The following GPD2 variants were observed in gnomAD, a reference collection of about 807,000 sequenced individuals.
GPD2 encodes glycerol-3-phosphate dehydrogenase, mitochondrial.
GPD2 carries 54 observed loss-of-function variants against 82.4 expected under a neutral mutation model. The observed-to-expected ratio is 0.66, with a 90% CI of 0.53 to 0.82. GPD2 has a LOEUF of 0.82. Among genes scored for constraint, GPD2 ranks in the 40% least tolerant of loss-of-function variants. The pLI, the probability that GPD2 is intolerant of heterozygous loss-of-function variation, is 0.00. For synonymous variants in GPD2, 288 were observed against 306.1 expected, an observed-to-expected ratio of 0.94 and a Z score of 0.62; for missense variants, 748 against 896.2, an observed-to-expected ratio of 0.83 and a Z score of 2.11.
intron 3 of GPD2, among the ~76,000 whole-genome samples, 169 bp downstream of exon 3, chr2:156,496,384 C>T (rs952491580): frequency 1.3e-5 from 2 of 152,080 alleles, no homozygotes; most frequent in African/African-American, 4.8e-5. Context: ...TGCTCTCCCT[C>T]CCCCTGCCCC....
In GPD2 at chr2:156,569,464, T is replaced by C; in HGVS notation, c.1402T>C (p.Phe468Leu). The C allele has an allele frequency of 6.2e-7, 1 of 1,612,830 alleles. No individual in the cohort carries two copies. The highest frequency in any genetic ancestry group is 8.5e-7 in the Non-Finnish European group (1 of 1,178,968). The change falls in exon 11 of 17, where the codon TTC (phenylalanine) becomes CTC (leucine). Residue 468 changes from phenylalanine to leucine, a missense_variant. By Grantham distance (22) the Phe-to-Leu change is conservative. Around this residue, in one of 3 missense-constraint regions of GPD2, gnomAD observed 692 missense variants for 809.7 expected, o/e 0.85. Transcript: ENST00000438166. The stretch of plus-strand genomic sequence containing the variant: ...AGGACCAAGTAGAACAGTTGGGCTT[T>C]TCCTTCAAGGGGGTAAAGATTGGAG... ...KAGPSRTVGL[F>L]LQGGKDWSPT...
chr2:156,479,430 C>T (rs946735847), intron 2 of GPD2, among the ~76,000 whole-genome samples: 1 of 152,136 alleles, frequency 6.6e-6, no homozygotes, highest in African/African-American at 2.4e-5. Flanking sequence ...TTTCTTCATA[C>T]AAGCATATTA....
chr2:156,556,266 AC>A (rs1686958725), intron 8 of GPD2, among the ~76,000 whole-genome samples: 1 of 152,180 alleles, frequency 6.6e-6, no homozygotes, highest in Non-Finnish European at 1.5e-5. Context: ...TTAAAAAATA[AC>A]ATTAATAGAA....
chr2:156,545,613 G>A (rs1445811722), intron 6 of GPD2, among the ~76,000 whole-genome samples: 1 of 152,196 alleles, frequency 6.6e-6, no homozygotes, highest in Non-Finnish European at 1.5e-5. Flanking sequence ...CAATAAGTCT[G>A]TGATAAGCAT....
the GPD2 span, among the ~76,000 whole-genome samples, chr2:156,400,778 G>A: frequency 6.6e-6 from 1 of 152,232 alleles, no homozygotes; most frequent in Non-Finnish European, 1.5e-5. Flanking sequence ...GGGGGATGTA[G>A]CTCAGTGGTA....
intron 6 of GPD2, among the ~76,000 whole-genome samples, chr2:156,529,318 A>G (rs575897800): frequency 0.011 from 1,672 of 145,456 alleles, 31 homozygotes; most frequent in African/African-American, 0.039. Flanking sequence ...GTTTGAGTTC[A>G]TTGTAGATTC....
intron 1 of GPD2, among the ~76,000 whole-genome samples, chr2:156,466,698 A>G (rs192896259): frequency 1.6e-4 from 25 of 152,340 alleles, no homozygotes; most frequent in Admixed American, 9.8e-4. Context: ...CAGTTATGAC[A>G]TTATTAAACT....
chr2:156,443,496 G>A (rs890104812), intron 1 of GPD2, among the ~76,000 whole-genome samples: 4 of 152,124 alleles, frequency 2.6e-5, no homozygotes, highest in Non-Finnish European at 5.9e-5. Flanking sequence ...CACACAGGCA[G>A]GTGTATTTCA....
intron 6 of GPD2, among the ~76,000 whole-genome samples, chr2:156,519,659 G>A (rs760389480): frequency 2.5e-4 from 38 of 152,290 alleles, no homozygotes; most frequent in Non-Finnish European, 4.6e-4. Context: ...TGTGGGATCT[G>A]CAACTGTCCT....
chr2:156,528,474 C>T (rs982691206), intron 6 of GPD2, among the ~76,000 whole-genome samples: 1 of 150,594 alleles, frequency 6.6e-6, no homozygotes. Context: ...TTTTAGGGTA[C>T]ATGTGCACAA....
chr2:156,444,368 C>A (rs1225509459), intron 1 of GPD2, among the ~76,000 whole-genome samples: 1 of 152,086 alleles, frequency 6.6e-6, no homozygotes, highest in Non-Finnish European at 1.5e-5. Flanking sequence ...TAGTATTAAC[C>A]CCTTTTCCCC....
chr2:156,471,637 TC>T (rs1042451816), intron 1 of GPD2, among the ~76,000 whole-genome samples: 2 of 152,182 alleles, frequency 1.3e-5, no homozygotes, highest in Admixed American at 6.5e-5. Context: ...CCAAATTTTT[TC>T]CCCTTCAAGA....
Position 156,557,432 on chromosome 2 carries a change from C to G in GPD2, c.1015C>G (p.Arg339Gly). The change falls in exon 9 of 17, where the codon CGA becomes GGA. Residue 339 changes from arginine (R) to glycine (G), a missense_variant. Physicochemically the swap from Arg to Gly is moderately radical, Grantham distance 125. This residue lies in a region of GPD2 where 692 missense variants were observed against 809.7 expected (regional missense o/e 0.85). Transcript: ENST00000438166. ...TCTTGACCCAGCGACCAGTGATGGG[C>G]GAGTTATTTTCTTCTTACCCTGGCA... ...GLLDPATSDGRVIFFLPWQKM... is the reference protein window; with the variant it reads ...GLLDPATSDGGVIFFLPWQKM... The G allele has an allele frequency of 6.2e-7, 1 of 1,610,644 alleles. No individual in the cohort carries two copies. Among genetic ancestry groups the G allele is most frequent in the Non-Finnish European group, 8.5e-7 (1 of 1,176,946 alleles).
At position 156,550,607 on chromosome 2, in the gene GPD2, G is replaced by T; in HGVS notation, c.832G>T (p.Glu278Ter). The change falls in exon 8 of 17, where the codon GAA (glutamate) becomes TAA (stop). Residue 278 changes from glutamate to a stop codon, truncating the protein, a stop_gained. Coordinates refer to ENST00000438166, the MANE Select transcript of GPD2 (RefSeq NM_000408.5). LOFTEE classifies it high-confidence loss of function. ...ARCKDVLTGQ[E>*]FDVRAKCVIN... ...GATGCCACTTTCTTTCACAGGGCAG[G>T]AATTTGACGTGAGAGCCAAATGTGT... 1 of 1,614,012 alleles carries T rather than the reference G, an allele frequency of 6.2e-7. No homozygotes were observed. The highest frequency in any genetic ancestry group is 8.5e-7 in the Non-Finnish European group (1 of 1,179,854).
At chr2:156,512,367 G>A in intron 5 of GPD2, 50 bp downstream of exon 5, 1 of 872,542 alleles carries the variant, frequency 1.1e-6, no homozygotes, top group Non-Finnish European at 2.0e-6. Flanking sequence ...GCGGTCAATA[G>A]AACAACAGTT....
chr2:156,501,297 A>G (rs924887623), intron 3 of GPD2, among the ~76,000 whole-genome samples: 2 of 152,114 alleles, frequency 1.3e-5, no homozygotes, highest in Non-Finnish European at 2.9e-5. Context: ...ACTTTTATAA[A>G]TGGTATTTGG....
chr2:156,417,940 G>A, the GPD2 span, among the ~76,000 whole-genome samples: 1 of 152,232 alleles, frequency 6.6e-6, no homozygotes, highest in Non-Finnish European at 1.5e-5. Flanking sequence ...CATTAGGCTG[G>A]GTGCCATGGC....
intron 3 of GPD2, among the ~76,000 whole-genome samples, chr2:156,496,959 TTCTG>T (rs141479318): frequency 0.3 from 45,914 of 152,052 alleles, 8,281 homozygotes; most frequent in Middle Eastern, 0.43. Flanking sequence ...GTCTCAGTCA[TTCTG>T]TCTATTAGTG....
chr2:156,494,528 A>C (rs974543953), intron 2 of GPD2, among the ~76,000 whole-genome samples: 3 of 152,220 alleles, frequency 2.0e-5, no homozygotes, highest in African/African-American at 7.2e-5. Flanking sequence ...TAGAAATCCA[A>C]TTGGCCTGAT....
Sources: allele counts gnomAD v4.1 joint callset (sites outside exome capture counted in the v4.1 genomes callset), GRCh38; gene constraint gnomAD v4.1.1; regional missense constraint gnomAD v4.1.1; transcripts MANE v1.5; gene names NCBI Gene and HGNC (gene_info 2026-07-23, HGNC 2026-07-21).